The following PCDH9 variants were observed in gnomAD, a reference collection of about 807,000 sequenced individuals.
The protein encoded by PCDH9 is protocadherin-9.
Under a neutral mutation model 70.6 loss-of-function variants are expected in PCDH9, and 24 were observed. The ratio of observed to expected loss-of-function variants is 0.34; its 90% CI spans 0.25 to 0.48. PCDH9 has a LOEUF of 0.48. PCDH9 is among the 20% of genes least tolerant of loss of function. The pLI, the probability that PCDH9 is intolerant of heterozygous loss-of-function variation, is 0.99. For missense variants in PCDH9, 1,281 were observed against 1,503.6 expected, an observed-to-expected ratio of 0.85 and a Z score of 2.45; for synonymous variants, 562 against 558.5, an observed-to-expected ratio of 1.01 and a Z score of -0.09.
In PCDH9 at chr13:67,201,154, T is replaced by C. The variant is rs1195746964; in HGVS notation, c.3036+24251A>G. 2.6e-5 allele frequency: 4 copies of C among 152,072 alleles called. No homozygotes were observed. The East Asian group carries it at 7.7e-4, about 29-fold the overall frequency. The allele number at this position is 152,072 out of a possible 1,614,324, so 9.4% of individuals were successfully genotyped here. ...TTAAAGCAAGAATAAGTACAGACTTTTGAAGCCACAATATATACAATTTTA... is the reference window on the plus strand; with the variant it reads ...TTAAAGCAAGAATAAGTACAGACTTCTGAAGCCACAATATATACAATTTTA... On this transcript the variant is annotated intron_variant, in intron 2 of 4. Coordinates refer to ENST00000377865, the MANE Select transcript of PCDH9 (RefSeq NM_203487.3).
intron 2 of PCDH9, among the ~76,000 whole-genome samples, chr13:67,195,306 C>G (rs759234398): frequency 1.3e-5 from 2 of 151,942 alleles, no homozygotes; most frequent in Non-Finnish European, 1.5e-5. Flanking sequence ...CACCACGCCC[C>G]GCTAATTATT....
chr13:66,737,421 C>T (rs973436903), intron 3 of PCDH9, among the ~76,000 whole-genome samples: 4 of 152,164 alleles, frequency 2.6e-5, no homozygotes, highest in African/African-American at 9.7e-5. Context: ...AAGTGGGCTA[C>T]CCACATGAGT....
At chr13:66,662,183 T>C (rs1040032479) in intron 3 of PCDH9, among the ~76,000 whole-genome samples, 4 of 151,988 alleles carry the variant, frequency 2.6e-5, no homozygotes, top group Non-Finnish European at 5.9e-5. Flanking sequence ...CTAAAGAATG[T>C]CACATAAGGC....
chr13:66,473,518 AT>A (rs1958660665), intron 4 of PCDH9, among the ~76,000 whole-genome samples: 1 of 152,092 alleles, frequency 6.6e-6, no homozygotes, highest in African/African-American at 2.4e-5. Flanking sequence ...GTATATCTCT[AT>A]TAAAATTTTA....
At chr13:66,390,878 C>A (rs1257659118) in intron 4 of PCDH9, among the ~76,000 whole-genome samples, 1 of 152,132 alleles carries the variant, frequency 6.6e-6, no homozygotes, top group East Asian at 1.9e-4. Flanking sequence ...CTCAGTTCAT[C>A]AATCCGTTGA....
chr13:66,455,975 G>A (rs1958309824), intron 4 of PCDH9, among the ~76,000 whole-genome samples: 1 of 152,046 alleles, frequency 6.6e-6, no homozygotes, highest in Non-Finnish European at 1.5e-5. Flanking sequence ...TTATATAAAC[G>A]ATGTCGCATG....
intron 3 of PCDH9, among the ~76,000 whole-genome samples, chr13:66,849,855 G>A (rs1156380071): frequency 6.6e-6 from 1 of 152,056 alleles, no homozygotes. Context: ...TGCTGAGAAC[G>A]ATGACTGACC....
chr13:66,374,680 C>T (rs1956718024), intron 4 of PCDH9, among the ~76,000 whole-genome samples: 1 of 152,002 alleles, frequency 6.6e-6, no homozygotes, highest in South Asian at 2.1e-4. Context: ...TTTCATAATG[C>T]CACTCCATCA....
intron 4 of PCDH9, among the ~76,000 whole-genome samples, chr13:66,544,639 T>C (rs1961104872): frequency 6.6e-6 from 1 of 152,168 alleles, no homozygotes; most frequent in Non-Finnish European, 1.5e-5. Context: ...CTTGCAATTA[T>C]ATGCAAATTA....
intron 3 of PCDH9, among the ~76,000 whole-genome samples, chr13:66,900,336 G>A (rs1003147506): frequency 6.6e-6 from 1 of 151,732 alleles, no homozygotes; most frequent in African/African-American, 2.4e-5. Context: ...AATTAAATAA[G>A]CTATATTCCA....
At chr13:66,424,198 C>A (rs1004694673) in intron 4 of PCDH9, among the ~76,000 whole-genome samples, 1 of 152,110 alleles carries the variant, frequency 6.6e-6, no homozygotes, top group Admixed American at 6.6e-5. Context: ...AATGGAAAAA[C>A]ATTCCATGCT....
At chr13:66,591,085 T>C (rs1238387366) in intron 4 of PCDH9, among the ~76,000 whole-genome samples, 2 of 151,794 alleles carry the variant, frequency 1.3e-5, no homozygotes, top group Non-Finnish European at 3.0e-5. Context: ...TGTTAGTCTA[T>C]AATAACAAAA....
At chr13:66,879,406 T>TA (rs1174196029) in intron 3 of PCDH9, among the ~76,000 whole-genome samples, 1 of 151,900 alleles carries the variant, frequency 6.6e-6, no homozygotes. Flanking sequence ...AATAGATGAT[T>TA]AAAAAAAACA....
chr13:66,559,101 C>A (rs1219612798), intron 4 of PCDH9, among the ~76,000 whole-genome samples: 1 of 152,136 alleles, frequency 6.6e-6, no homozygotes, highest in Admixed American at 6.5e-5. Context: ...CTAGTTACTT[C>A]CTTAGCAAGA....
intron 4 of PCDH9, among the ~76,000 whole-genome samples, chr13:66,545,646 C>T (rs1454046126): frequency 6.6e-6 from 1 of 152,000 alleles, no homozygotes; most frequent in Non-Finnish European, 1.5e-5. Flanking sequence ...AGTTCAATGC[C>T]TTATTCAATT....
chr13:66,371,814 T>G (rs1008417525), intron 4 of PCDH9, among the ~76,000 whole-genome samples: 6 of 152,072 alleles, frequency 3.9e-5, no homozygotes, highest in Non-Finnish European at 7.4e-5. Context: ...ACTTACATTT[T>G]TTCCTCAGAG....
intron 3 of PCDH9, among the ~76,000 whole-genome samples, chr13:66,863,915 C>T (rs2081527398): frequency 6.6e-6 from 1 of 152,110 alleles, no homozygotes; most frequent in Admixed American, 6.5e-5. Flanking sequence ...AGTTGACTCA[C>T]AGTTCAGCAT....
intron 2 of PCDH9, chr13:67,223,726 TCTAA>T (rs2089784797): frequency 6.6e-6 from 1 of 152,108 alleles, no homozygotes; most frequent in East Asian, 1.9e-4. Flanking sequence ...ATTAAGTCGT[TCTAA>T]CTTTGACTTA....
At chr13:66,705,024 G>A (rs925194817) in intron 3 of PCDH9, among the ~76,000 whole-genome samples, 1 of 151,928 alleles carries the variant, frequency 6.6e-6, no homozygotes, top group South Asian at 2.1e-4. Context: ...GAATTTTAAT[G>A]TTCCATAAAA....
Sources: gnomAD v4.1 joint callset for allele counts (sites outside exome capture counted in the v4.1 genomes callset) on GRCh38, gnomAD v4.1.1 for gene constraint, MANE v1.5 for transcripts, NCBI Gene and HGNC (gene_info 2026-07-23, HGNC 2026-07-21) for gene names.